The following KLHDC4 variants were observed in gnomAD, a reference collection of about 807,000 sequenced individuals.
The protein encoded by KLHDC4 is kelch domain-containing protein 4.
Under a neutral mutation model 62.4 loss-of-function variants are expected in KLHDC4, and 90 were observed. The observed-to-expected ratio is 1.44, with a 90% CI of 1.22 to 1.72. KLHDC4 has a LOEUF of 1.72. Among genes scored for constraint, KLHDC4 ranks in the 40% most tolerant of loss-of-function variants. The probability of loss-of-function intolerance (pLI) is 0.00; values close to 1 mark genes in which losing one functional copy is unlikely to be tolerated. For synonymous variants in KLHDC4, 386 were observed against 284.4 expected (o/e 1.36, Z -3.59); for missense variants, 1,025 against 699.7 (o/e 1.47, Z -5.25).
downstream of KLHDC4, chr16:87,707,694 A>C (rs912840476): frequency 1.5e-4 from 31 of 207,638 alleles, no homozygotes; most frequent in African/African-American, 7.2e-4. Context: ...CTTCGTGTCC[A>C]AGGTTCCACC....
At chr16:87,708,129 G>A in intron 11 of KLHDC4, 54 bp from the exon 12 acceptor site, 1 of 664,920 alleles carries the variant, frequency 1.5e-6, no homozygotes, top group Admixed American at 2.1e-5. Flanking sequence ...CGAGGGGGAG[G>A]CCCGTGCAGG....
chr16:87,708,102 A>G, intron 11 of KLHDC4, 27 bp from the exon 12 acceptor site: 1 of 638,640 alleles, frequency 1.6e-6, no homozygotes, highest in Non-Finnish European at 2.9e-6. Flanking sequence ...AAGGAATGAG[A>G]GAGAAACACA....
At chr16:87,703,041 C>G (rs981480524), downstream of KLHDC4, 5 of 152,240 alleles carry the variant, frequency 3.3e-5, no homozygotes, top group African/African-American at 1.2e-4. Context: ...TAGTAATAAA[C>G]AATGTCGTGT....
chr16:87,752,192 A>G (rs2044105206), intron 4 of KLHDC4, among the ~76,000 whole-genome samples: 1 of 148,680 alleles, frequency 6.7e-6, no homozygotes, highest in Non-Finnish European at 1.5e-5. Flanking sequence ...GGATCGTTTG[A>G]GCCCAGGAGT....
chr16:87,721,789 T>G (rs1021958298), intron 7 of KLHDC4, among the ~76,000 whole-genome samples: 10 of 152,220 alleles, frequency 6.6e-5, no homozygotes, highest in African/African-American at 2.4e-4. Context: ...CTCCTGGTTA[T>G]GCATGGACGT....
chr16:87,750,826 C>T (rs1277567770), intron 4 of KLHDC4: 1 of 152,292 alleles, frequency 6.6e-6, no homozygotes, highest in Non-Finnish European at 1.5e-5. Context: ...TCCACCCCAC[C>T]CACTTCCAGT....
chr16:87,747,891 G>A (rs2043275089), intron 5 of KLHDC4, among the ~76,000 whole-genome samples: 1 of 152,222 alleles, frequency 6.6e-6, no homozygotes, highest in African/African-American at 2.4e-5. Context: ...AGGCCTGTGT[G>A]CGGCGGCCTC....
chr16:87,755,749 G>C (rs2044780186), intron 3 of KLHDC4: 1 of 176,864 alleles, frequency 5.7e-6, no homozygotes, highest in Admixed American at 5.5e-5. Flanking sequence ...ATCGTTAGCA[G>C]AGACTGGGTT....
chr16:87,734,323 G>T (rs181544567), intron 5 of KLHDC4, among the ~76,000 whole-genome samples: 1 of 151,902 alleles, frequency 6.6e-6, no homozygotes, highest in Non-Finnish European at 1.5e-5. Context: ...CAGTCTGGGC[G>T]ATAGAGCAAG....
intron 5 of KLHDC4, among the ~76,000 whole-genome samples, chr16:87,736,955 C>T (rs1278424049): frequency 1.3e-5 from 2 of 150,364 alleles, no homozygotes; most frequent in Non-Finnish European, 3.0e-5. Flanking sequence ...TAAAACCCTG[C>T]CTCTTATTAA....
rs759903960 is a variant in KLHDC4, at chr16:87,714,523, C to T, written c.810G>A (p.Leu270=). Reference sequence around the variant, plus strand: ...CTTCTCTTCCGTCCTCTGGCTTCAGCAGGAACATGTCTGAGTGCCGTGTGC... The same window carrying T: ...CTTCTCTTCCGTCCTCTGGCTTCAGTAGGAACATGTCTGAGTGCCGTGTGC... ...DKGTRHSDMF[L]LKPEDGREDK... is the part of the protein sequence containing the mutation. Residue 270 remains leucine, a synonymous_variant, in exon 8 of 12, where the codon CTG becomes CTA. Transcript: ENST00000270583. The T allele has an allele frequency of 1.9e-6, 3 of 1,614,220 alleles. No individual in the cohort carries two copies. The highest frequency in any genetic ancestry group is 2.2e-5 in the East Asian group (1 of 44,868).
intron 4 of KLHDC4, among the ~76,000 whole-genome samples, chr16:87,753,455 G>T (rs1484972904): frequency 6.6e-6 from 1 of 152,180 alleles, no homozygotes; most frequent in Non-Finnish European, 1.5e-5. Flanking sequence ...GATCTGCAAG[G>T]AACTGAATCA....
intron 5 of KLHDC4, 66 bp downstream of exon 5, chr16:87,748,607 C>T: frequency 6.3e-7 from 1 of 1,598,066 alleles, no homozygotes; most frequent in South Asian, 1.1e-5. Flanking sequence ...GCTCCGAGCA[C>T]TCGGGCTCAG....
intron 8 of KLHDC4, among the ~76,000 whole-genome samples, chr16:87,714,082 C>G (rs1237079255): frequency 6.6e-6 from 1 of 152,144 alleles, no homozygotes; most frequent in Admixed American, 6.5e-5. Flanking sequence ...GCAACCACCC[C>G]AAGAGCGAGG....
At chr16:87,728,219 C>T (rs1418937470) in intron 6 of KLHDC4, among the ~76,000 whole-genome samples, 2 of 152,184 alleles carry the variant, frequency 1.3e-5, no homozygotes, top group Non-Finnish European at 2.9e-5. Context: ...CCTGACCTTG[C>T]TGACTGCAAC....
intron 8 of KLHDC4, among the ~76,000 whole-genome samples, chr16:87,713,737 T>C (rs2036356702): frequency 6.6e-6 from 1 of 152,122 alleles, no homozygotes; most frequent in Non-Finnish European, 1.5e-5. Context: ...TGACACATCC[T>C]GGGCCCTCTG....
Position 87,721,552 on chromosome 16 carries a change from G to A in KLHDC4, c.759+5213C>T, listed in dbSNP as rs77125490. On this transcript the variant is annotated intron_variant, in intron 7 of 11. Transcript: ENST00000270583. Reference sequence around the variant, plus strand: ...CAAGCTGAGACAACCTGCAGCCGGTGACCTGGGAGAGCTGGGCACGGACCT... The same window carrying A: ...CAAGCTGAGACAACCTGCAGCCGGTAACCTGGGAGAGCTGGGCACGGACCT... 5.1e-3 allele frequency among the ~76,000 whole-genome samples: 777 copies of A among 152,204 alleles called. 6 individuals carry two copies. The highest frequency in any genetic ancestry group is 0.018 in the African/African-American group (760 of 41,540).
Position 87,726,775 on chromosome 16 carries a change from T to C in KLHDC4, c.749A>G (p.Tyr250Cys), listed in dbSNP as rs762812769. ...PQGGIVVYGG[Y>C]SKQRVKKDVD... ...CACCCCCCGCCTTACCTGTTTCGAGTAGCCCCCATAGACGACGATGCCGCC... is the reference window on the plus strand; with the variant it reads ...CACCCCCCGCCTTACCTGTTTCGAGCAGCCCCCATAGACGACGATGCCGCC... Residue 250 changes from tyrosine (Y) to cysteine (C), a missense_variant, in exon 7 of 12, where the codon TAC (tyrosine) becomes TGC (cysteine). Tyr to Cys is a radical substitution (Grantham distance 194). Coordinates refer to ENST00000270583, the MANE Select transcript of KLHDC4 (RefSeq NM_017566.4). The C allele has an allele frequency of 2.0e-6, 3 of 1,533,638 alleles. No homozygotes were observed. Among genetic ancestry groups the C allele is most frequent in the Non-Finnish European group, 1.8e-6 (2 of 1,140,002 alleles).
chr16:87,702,338 G>A (rs550528220), exon 1 of KLHDC4: 1 of 454,432 alleles, frequency 2.2e-6, no homozygotes, highest in African/African-American at 2.0e-5. Context: ...GGCTGAGAGA[G>A]GAAGATGGGT....
Sources: allele counts gnomAD v4.1 joint callset (sites outside exome capture counted in the v4.1 genomes callset), GRCh38; gene constraint gnomAD v4.1.1; transcripts MANE v1.5; gene names NCBI Gene and HGNC (gene_info 2026-07-23, HGNC 2026-07-21).